Variants in ZBTB20 observed in about 807,000 individuals in gnomAD.
ZBTB20 encodes the protein zinc finger and BTB domain containing 20, also known as zinc finger and BTB domain-containing protein 20.
Under a neutral mutation model 56.9 loss-of-function variants are expected in ZBTB20, and 9 were observed. The observed-to-expected ratio is 0.16, with a 90% CI of 0.10 to 0.28. ZBTB20 has a LOEUF of 0.28. Among genes scored for constraint, ZBTB20 ranks in the 10% least tolerant of loss-of-function variants. ZBTB20 has a pLI of 1.00. For missense variants in ZBTB20, 655 were observed against 1,003.0 expected (o/e 0.65, Z 4.69); for synonymous variants, 417 against 420.7 (o/e 0.99, Z 0.11).
intron 6 of ZBTB20, among the ~76,000 whole-genome samples, chr3:114,556,706 T>C (rs532937181): frequency 3.3e-5 from 5 of 152,192 alleles, no homozygotes; most frequent in South Asian, 2.1e-4. Flanking sequence ...AACCTAACTA[T>C]ACTTTTGGTA....
chr3:114,996,318 A>G (rs992560275), intron 2 of ZBTB20, among the ~76,000 whole-genome samples: 1 of 151,800 alleles, frequency 6.6e-6, no homozygotes, highest in African/African-American at 2.4e-5. Context: ...TCAACCTGTC[A>G]TCTACATGAG....
intron 6 of ZBTB20, among the ~76,000 whole-genome samples, chr3:114,686,020 T>A (rs1260932966): frequency 6.6e-6 from 1 of 152,200 alleles, no homozygotes; most frequent in Non-Finnish European, 1.5e-5. Context: ...GAATTTTTTA[T>A]ATTTTAAAAT....
At chr3:114,709,422 G>A (rs2063915612) in intron 5 of ZBTB20, among the ~76,000 whole-genome samples, 1 of 152,116 alleles carries the variant, frequency 6.6e-6, no homozygotes, top group African/African-American at 2.4e-5. Context: ...ACAGAGAAAG[G>A]CTGAAAATTT....
intron 6 of ZBTB20, among the ~76,000 whole-genome samples, chr3:114,609,672 G>C (rs982904819): frequency 6.6e-6 from 1 of 152,108 alleles, no homozygotes; most frequent in African/African-American, 2.4e-5. Flanking sequence ...TTAGACGCTT[G>C]GAGCACAATA....
chr3:115,019,136 A>G (rs181159586), intron 2 of ZBTB20, among the ~76,000 whole-genome samples: 13 of 151,510 alleles, frequency 8.6e-5, no homozygotes, highest in South Asian at 2.1e-4. Context: ...CTGCCACAAG[A>G]AAAGAAAAAA....
In ZBTB20 at chr3:114,438,534, AAAG is replaced by A. The variant is rs1352481376; in HGVS notation, c.-254-49432_-254-49430del. The stretch of plus-strand genomic sequence containing the variant: ...ATAATCATCTCAAGGTGCTTGGAGG[AAAG>A]AAGGAGAGATGAGTTCTTCTGAACC... On this transcript the variant is annotated intron_variant, in intron 7 of 11. Coordinates refer to ENST00000675478, the MANE Select transcript of ZBTB20 (RefSeq NM_001348800.3). Among the ~76,000 whole-genome samples, 5 of 152,196 alleles carry A rather than the reference AAAG, an allele frequency of 3.3e-5. No individual in the cohort carries two copies. In the East Asian group the frequency reaches 9.7e-4, roughly 29 times the overall value.
chr3:114,458,353 G>A (rs1306811410), intron 7 of ZBTB20, among the ~76,000 whole-genome samples: 3 of 152,084 alleles, frequency 2.0e-5, no homozygotes, highest in African/African-American at 4.8e-5. Context: ...CATTTAGGGT[G>A]CTTTTTTTTC....
chr3:115,058,797 A>C (rs188790901), intron 2 of ZBTB20, among the ~76,000 whole-genome samples: 222 of 152,270 alleles, frequency 1.5e-3, no homozygotes, highest in African/African-American at 5.0e-3. Flanking sequence ...TTTAGGACTA[A>C]CATACAGGTT....
At chr3:114,531,339 T>C (rs1287340489) in intron 6 of ZBTB20, among the ~76,000 whole-genome samples, 1 of 152,238 alleles carries the variant, frequency 6.6e-6, no homozygotes, top group Non-Finnish European at 1.5e-5. Context: ...CCATTTGAGA[T>C]TTTAGCCTAA....
chr3:114,848,080 G>A (rs912740880), intron 4 of ZBTB20, among the ~76,000 whole-genome samples: 13 of 152,112 alleles, frequency 8.5e-5, no homozygotes, highest in Non-Finnish European at 1.6e-4. Flanking sequence ...ACTCTGCAAA[G>A]CCTGTAATAT....
chr3:114,910,444 T>C (rs1246917524), intron 3 of ZBTB20, among the ~76,000 whole-genome samples: 9 of 151,966 alleles, frequency 5.9e-5, no homozygotes, highest in Non-Finnish European at 1.2e-4. Context: ...TCAACTCTTG[T>C]ATAAGGCCCT....
chr3:114,503,224 C>G (rs2044210076), intron 6 of ZBTB20, among the ~76,000 whole-genome samples: 1 of 152,084 alleles, frequency 6.6e-6, no homozygotes, highest in Non-Finnish European at 1.5e-5. Context: ...AGAAAAATTA[C>G]AGTGTGTATG....
At chr3:114,515,887 C>A (rs2045930625) in intron 6 of ZBTB20, among the ~76,000 whole-genome samples, 1 of 152,200 alleles carries the variant, frequency 6.6e-6, no homozygotes, top group Non-Finnish European at 1.5e-5. Flanking sequence ...AAACAACAAA[C>A]CATCTTTTGC....
intron 6 of ZBTB20, among the ~76,000 whole-genome samples, chr3:114,630,992 G>C (rs2058905907): frequency 6.6e-6 from 1 of 152,038 alleles, no homozygotes; most frequent in Non-Finnish European, 1.5e-5. Flanking sequence ...AATACTGTCA[G>C]AATTAAGAAA....
intron 4 of ZBTB20, among the ~76,000 whole-genome samples, chr3:114,843,239 T>C (rs1276478937): frequency 2.4e-4 from 36 of 152,114 alleles, no homozygotes; most frequent in Non-Finnish European, 4.6e-4. Context: ...ACAAGTACTA[T>C]CCAAGTATAA....
chr3:114,413,059 G>A (rs2088140323), intron 7 of ZBTB20, among the ~76,000 whole-genome samples: 1 of 152,048 alleles, frequency 6.6e-6, no homozygotes, highest in African/African-American at 2.4e-5. Context: ...CTAGTAAAAG[G>A]TAACGGCAAC....
intron 2 of ZBTB20, among the ~76,000 whole-genome samples, chr3:114,985,491 G>C (rs1306619027): frequency 1.3e-5 from 2 of 152,046 alleles, no homozygotes; most frequent in Non-Finnish European, 2.9e-5. Context: ...TAATACATAA[G>C]ATTAACAACA....
intron 5 of ZBTB20, among the ~76,000 whole-genome samples, chr3:114,759,443 C>T (rs1282442044): frequency 6.6e-6 from 1 of 152,070 alleles, no homozygotes; most frequent in South Asian, 2.1e-4. Flanking sequence ...AGATGGAAAC[C>T]ATATGTTCCT....
At chr3:114,587,731 G>A (rs892534550) in intron 6 of ZBTB20, among the ~76,000 whole-genome samples, 2 of 152,160 alleles carry the variant, frequency 1.3e-5, no homozygotes, top group African/African-American at 2.4e-5. Context: ...ATAGAAGAAC[G>A]AAAGTCATTT....
Sources: allele counts gnomAD v4.1 joint callset (sites outside exome capture counted in the v4.1 genomes callset), GRCh38; gene constraint gnomAD v4.1.1; transcripts MANE v1.5; gene names NCBI Gene and HGNC (gene_info 2026-07-23, HGNC 2026-07-21).